The following LONP1 variants were observed in gnomAD, a reference collection of about 807,000 sequenced individuals.
LONP1 encodes lon protease homolog, mitochondrial.
A neutral mutation model predicts 98.5 loss-of-function variants in LONP1; 31 were observed. The observed-to-expected ratio is 0.31, with a 90% CI of 0.24 to 0.42. The LOEUF (loss-of-function observed/expected upper bound fraction) is 0.42. LONP1 is among the 20% of genes least tolerant of loss of function. The probability of loss-of-function intolerance (pLI) is 1.00; values close to 1 mark genes in which losing one functional copy is unlikely to be tolerated. For synonymous variants in LONP1, 781 were observed against 594.7 expected (o/e 1.31, Z -4.56); for missense variants, 1,336 against 1,350.6 (o/e 0.99, Z 0.17).
At chr19:5,707,507 C>T (rs149219279) in intron 6 of LONP1, among the ~76,000 whole-genome samples, 190 bp downstream of exon 6, 9 of 152,168 alleles carry the variant, frequency 5.9e-5, no homozygotes, top group Admixed American at 2.0e-4. Context: ...GACCAAGACA[C>T]GCAGCGGGAA....
At chr19:5,701,610 G>A (rs1020601455) in intron 8 of LONP1, among the ~76,000 whole-genome samples, 3 of 152,238 alleles carry the variant, frequency 2.0e-5, no homozygotes, top group African/African-American at 7.2e-5. Flanking sequence ...CGGGATTGCA[G>A]ACGGAGTCTC....
chr19:5,703,014 T>TA (rs75284257), intron 8 of LONP1, among the ~76,000 whole-genome samples: 2,901 of 112,292 alleles, frequency 0.026, 46 homozygotes, highest in East Asian at 0.042. Flanking sequence ...GAATGATCAA[T>TA]AAAAAAAAAA....
In LONP1 at chr19:5,693,673, A is replaced by G. The variant is rs774885442; in HGVS notation, c.2417T>C (p.Leu806Pro). 6.2e-7 allele frequency: 1 copy of G among 1,614,068 alleles called. No individual in the cohort carries two copies. Among genetic ancestry groups the G allele is most frequent in the Non-Finnish European group, 8.5e-7 (1 of 1,179,990 alleles). ...GGCGCTCTCCTTCATCACCTCCCCC[A>G]GCTGGCCTGTCACCTCCAGGCTGCC... ...KDGSLEVTGQ[L>P]GEVMKESARI... Residue 806 changes from leucine to proline, a missense_variant, in exon 16 of 18, where the codon CTG becomes CCG. Around this residue, in one of 5 missense-constraint regions of LONP1, gnomAD observed 555 missense variants for 542.6 expected, o/e 1.02. Transcript: ENST00000360614.
chr19:5,704,587 A>G (rs1017052170), intron 8 of LONP1, among the ~76,000 whole-genome samples: 4 of 152,162 alleles, frequency 2.6e-5, no homozygotes, highest in African/African-American at 9.6e-5. Flanking sequence ...TGGCGTGACA[A>G]CTGGTTCCTG....
At position 5,711,843 on chromosome 19, in the gene LONP1, G is replaced by A. The variant is rs942526080; in HGVS notation, c.798C>T (p.Leu266=). ...CCTCCACCATGAGCACCTCAGCCGG[G>A]AGCTCAGGGGTGGGCTCCATCGCCA... ...AELAMEPTPE[L]PAEVLMVEVE... The change falls in exon 4 of 18, where the codon CTC becomes CTT. Residue 266 remains leucine (L), a synonymous_variant. Coordinates refer to ENST00000360614, the MANE Select transcript of LONP1 (RefSeq NM_004793.4). 1.2e-6 allele frequency: 2 copies of A among 1,612,712 alleles called. No individual in the cohort carries two copies. The highest frequency in any genetic ancestry group is 1.3e-5 in the African/African-American group (1 of 74,936).
At chr19:5,707,875 T>G (rs767538770) in intron 5 of LONP1, 49 bp from the exon 6 acceptor site, 168 of 1,604,264 alleles carry the variant, frequency 1.0e-4, no homozygotes, top group Non-Finnish European at 1.4e-4. Flanking sequence ...CACGCTCTGC[T>G]GCAGTGCAGC....
intron 8 of LONP1, among the ~76,000 whole-genome samples, chr19:5,702,638 T>A (rs1288256928): frequency 6.6e-6 from 1 of 152,250 alleles, no homozygotes; most frequent in African/African-American, 2.4e-5. Context: ...TAGAAAGAAG[T>A]AGACATGAGA....
At chr19:5,699,298 T>C (rs984453559) in intron 9 of LONP1, 93 bp from the exon 10 acceptor site, 6 of 1,067,566 alleles carry the variant, frequency 5.6e-6, no homozygotes, top group Non-Finnish European at 7.7e-6. Flanking sequence ...CTTTCAGACG[T>C]CTGAGGGCTG....
At chr19:5,715,579 A>T (rs1380819992) in intron 1 of LONP1, among the ~76,000 whole-genome samples, 32 of 132,290 alleles carry the variant, frequency 2.4e-4, no homozygotes, top group Admixed American at 6.9e-4. Context: ...GAGGCGGAGC[A>T]TGCAGTGAGC....
In LONP1 at chr19:5,700,359, T is replaced by C. The variant is rs1052059993; in HGVS notation, c.1506+430A>G. Among the ~76,000 whole-genome samples, 62 of 152,172 alleles carry C rather than the reference T, an allele frequency of 4.1e-4. 2 individuals are homozygous for C. The highest frequency in any genetic ancestry group is 7.4e-5 in the Non-Finnish European group (5 of 68,024). On this transcript the variant is annotated intron_variant, in intron 9 of 17. Transcript: ENST00000360614. ...AACTCCCGACCTCAGGTGATCTGCATGCCTCAGCCTCCCAAAGTGCTGGGA... is the reference window on the plus strand; with the variant it reads ...AACTCCCGACCTCAGGTGATCTGCACGCCTCAGCCTCCCAAAGTGCTGGGA...
At chr19:5,716,719 A>G (rs548650801) in intron 1 of LONP1, among the ~76,000 whole-genome samples, 3 of 152,300 alleles carry the variant, frequency 2.0e-5, no homozygotes, top group African/African-American at 4.8e-5. Context: ...TTAGCAAGAC[A>G]ATTTTACTTT....
chr19:5,697,258 G>A lies in LONP1; in HGVS notation c.1686-501C>T, dbSNP rs1415246976. ...AGGAAGGCTCTGTCTGTGGGATGAA[G>A]ACACAGGGAGGCAGGGATGGAGGGA... On this transcript the variant is annotated intron_variant, in intron 10 of 17. Coordinates refer to ENST00000360614, the MANE Select transcript of LONP1 (RefSeq NM_004793.4). Among the ~76,000 whole-genome samples, 60 of 152,106 alleles carry A rather than the reference G, an allele frequency of 3.9e-4. 1 individual carries two copies. The highest frequency in any genetic ancestry group is 1.5e-5 in the Non-Finnish European group (1 of 68,008).
rs771662872 is a variant in LONP1 at position 5,707,053 on chromosome 19, G to A, written c.1146+7C>T. ...CAAGAGTGGCTGCGCCTCAGCCGCG[G>A]GCTCACCTCCCGCCCCAGGCGCTGC... is the stretch of plus-strand genomic sequence containing the variant. On this transcript the variant is annotated splice_region_variant and intron_variant, in intron 7 of 17. Coordinates refer to ENST00000360614, the MANE Select transcript of LONP1 (RefSeq NM_004793.4). The A allele has an allele frequency of 8.7e-6, 14 of 1,609,050 alleles. No individual in the cohort carries two copies. The East Asian group carries it at 2.7e-4, about 31-fold the overall frequency.
intron 6 of LONP1, 106 bp downstream of exon 6, chr19:5,707,586 AGCCAG>A: frequency 8.5e-7 from 1 of 1,169,730 alleles, no homozygotes; most frequent in Admixed American, 2.0e-5. Flanking sequence ...GGACAAGGGC[AGCCAG>A]GCATGGGGGA....
Position 5,714,206 on chromosome 19 carries a change from G to A in LONP1, c.495C>T (p.Gly165=), listed in dbSNP as rs146460691. 1.5e-4 allele frequency: 241 copies of A among 1,613,452 alleles called. No individual in the cohort carries two copies. The highest frequency in any genetic ancestry group is 6.6e-4 in the Middle Eastern group (4 of 6,058). ...RKVRLAQPYV[G]VFLKRDDSNE... ...ACCTGTCATCTCTCTTTAGAAAGAC[G>A]CCGACATAAGGCTGGGCGAGACGAA... Residue 165 remains glycine (G), a synonymous_variant, in exon 2 of 18, where the codon GGC becomes GGT. Coordinates refer to ENST00000360614, the MANE Select transcript of LONP1 (RefSeq NM_004793.4).
chr19:5,711,941 T>C lies in LONP1; in HGVS notation c.700A>G (p.Lys234Glu). The C allele has an allele frequency of 1.2e-6, 2 of 1,613,286 alleles. No individual in the cohort carries two copies. The highest frequency in any genetic ancestry group is 1.7e-6 in the Non-Finnish European group (2 of 1,179,760). ...PEEPEAENKH[K>E]PRRKSKRGKK... ...CCCCGCTTTGACTTCCTGCGGGGCT[T>C]GTGCTTGTTCTCCGCCTCCGGCTCC... Residue 234 changes from lysine to glutamate, a missense_variant, in exon 4 of 18, where the codon AAG becomes GAG. Around this residue, in one of 5 missense-constraint regions of LONP1, gnomAD observed 457 missense variants for 403.1 expected, o/e 1.13. Transcript: ENST00000360614.
intron 17 of LONP1, 52 bp downstream of exon 17, chr19:5,693,246 C>G (rs908914365): frequency 1.9e-6 from 3 of 1,565,998 alleles, no homozygotes; most frequent in African/African-American, 2.7e-5. Context: ...GGGCCTGTCC[C>G]GTGGTGGTGT....
chr19:5,708,485 C>T, intron 4 of LONP1, 82 bp from the exon 5 acceptor site: 1 of 1,234,102 alleles, frequency 8.1e-7, no homozygotes, highest in South Asian at 1.3e-5. Context: ...GCCCTGGGAG[C>T]CCCACCCACC....
In LONP1 at chr19:5,705,780, C is replaced by T. The variant is rs758914239; in HGVS notation, c.1359G>A (p.Ser453=). The T allele has an allele frequency of 1.1e-5, 17 of 1,613,748 alleles. No individual in the cohort carries two copies. Among genetic ancestry groups the T allele is most frequent in the African/African-American group, 8.0e-5 (6 of 74,934 alleles). The change falls in exon 8 of 18, where the codon TCG becomes TCA. Residue 453 remains serine, a synonymous_variant. Transcript: ENST00000360614. ...CCGGGCCTGGCACTCACTTGAACTC[C>T]GAGGAGTGGTTGTCCAGCAGGCCCA... is the stretch of plus-strand genomic sequence containing the variant. ...SKLGLLDNHS[S]EFNVTRNYLD...
Sources: gnomAD v4.1 joint callset for allele counts (sites outside exome capture counted in the v4.1 genomes callset) on GRCh38, gnomAD v4.1.1 for gene constraint, gnomAD v4.1.1 regional missense constraint, MANE v1.5 for transcripts, NCBI Gene and HGNC (gene_info 2026-07-23, HGNC 2026-07-21) for gene names.